The following PCDHA10 variants were observed in gnomAD, a reference collection of about 807,000 sequenced individuals.
The protein encoded by PCDHA10 is protocadherin alpha 10.
In PCDHA10, 45 loss-of-function variants were observed where a neutral mutation model predicts 61.2. The ratio of observed to expected loss-of-function variants is 0.74; its 90% confidence interval spans 0.58 to 0.94. PCDHA10 has a LOEUF of 0.94. Ranked by LOEUF, PCDHA10 falls within the 40% of genes least tolerant of loss-of-function variation. PCDHA10 has a pLI of 0.00. For synonymous variants in PCDHA10, 602 were observed against 548.8 expected, an observed-to-expected ratio of 1.10 and a Z score of -1.35; for missense variants, 1,278 against 1,236.2, an observed-to-expected ratio of 1.03 and a Z score of -0.51.
At chr5:140,984,826 T>C (rs1554246543) in intron 3 of PCDHA10, among the ~76,000 whole-genome samples, 4 of 152,188 alleles carry the variant, frequency 2.6e-5, no homozygotes, top group African/African-American at 9.6e-5. Context: ...TTAATTACCC[T>C]TTCTGTAAAT....
intron 1 of PCDHA10, chr5:140,875,344 A>G: frequency 1.4e-6 from 2 of 1,442,996 alleles, no homozygotes; most frequent in East Asian, 2.5e-5. Context: ...TCGACTCCAT[A>G]ATGACTGTGA....
Position 140,885,215 on chromosome 5 carries a change from A to T in PCDHA10, c.2388+26779A>T, listed in dbSNP as rs564445744. Among the ~76,000 whole-genome samples the T allele has an allele frequency of 2.8e-3, 423 of 152,102 alleles. 2 individuals carry two copies. The highest frequency in any genetic ancestry group is 0.014 in the Middle Eastern group (4 of 294). On this transcript the variant is annotated intron_variant, in intron 1 of 3. Transcript: ENST00000307360. ...CCCTCTCATATATCCCATGAAAAAT[A>T]TCTTGTGATTCTGCTTTCAATTTTT... is the stretch of plus-strand genomic sequence containing the variant.
At chr5:140,874,887 T>G (rs1315281628) in intron 1 of PCDHA10, among the ~76,000 whole-genome samples, 2 of 152,350 alleles carry the variant, frequency 1.3e-5, no homozygotes, top group East Asian at 3.9e-4. Context: ...AATTCCTAAC[T>G]TTCTCTAAAA....
intron 1 of PCDHA10, chr5:140,876,746 T>C (rs1411489174): frequency 3.7e-6 from 6 of 1,614,098 alleles, no homozygotes; most frequent in Admixed American, 3.3e-5. Flanking sequence ...GAGCTGGTGG[T>C]GACTGCGCGG....
chr5:140,959,763 C>A (rs2095510059), intron 1 of PCDHA10, among the ~76,000 whole-genome samples: 2 of 152,170 alleles, frequency 1.3e-5, no homozygotes, highest in South Asian at 4.1e-4. Flanking sequence ...TTTTAATATT[C>A]AGTAAGAACA....
At chr5:140,883,190 C>G in intron 1 of PCDHA10, 1 of 1,613,818 alleles carries the variant, frequency 6.2e-7, no homozygotes, top group Non-Finnish European at 8.5e-7. Context: ...AAAAGGCAAA[C>G]TAGATTTCGA....
At chr5:140,915,479 G>T (rs1170530979) in intron 1 of PCDHA10, among the ~76,000 whole-genome samples, 1 of 151,948 alleles carries the variant, frequency 6.6e-6, no homozygotes, top group African/African-American at 2.4e-5. Flanking sequence ...AAGGAGCTTG[G>T]GCCTCAATCC....
intron 1 of PCDHA10, among the ~76,000 whole-genome samples, chr5:140,897,463 T>C (rs573452029): frequency 6.6e-6 from 1 of 151,924 alleles, no homozygotes; most frequent in African/African-American, 2.4e-5. Flanking sequence ...CTTGCGATAG[T>C]TTACTGAGAA....
intron 1 of PCDHA10, among the ~76,000 whole-genome samples, chr5:140,906,909 G>A (rs1477484139): frequency 1.3e-5 from 2 of 152,174 alleles, no homozygotes; most frequent in Admixed American, 6.5e-5. Flanking sequence ...TTAAAGGTAG[G>A]AGGAGCCCAA....
At chr5:140,972,798 A>G (rs782291338) in intron 1 of PCDHA10, among the ~76,000 whole-genome samples, 6 of 151,178 alleles carry the variant, frequency 4.0e-5, no homozygotes, top group Admixed American at 2.6e-4. Flanking sequence ...TGAGTAGCTG[A>G]GATTACAGGC....
chr5:140,967,487 G>C, intron 1 of PCDHA10: 8 of 1,613,290 alleles, frequency 5.0e-6, no homozygotes, highest in Non-Finnish European at 6.8e-6. Context: ...CTCGGGTACG[G>C]CACAGATCTC....
At chr5:140,940,731 G>C (rs1195223562) in intron 1 of PCDHA10, among the ~76,000 whole-genome samples, 1 of 152,280 alleles carries the variant, frequency 6.6e-6, no homozygotes, top group South Asian at 2.1e-4. Context: ...CAGCTGGACA[G>C]CTCCATATTT....
intron 1 of PCDHA10, among the ~76,000 whole-genome samples, chr5:140,934,548 ATT>A (rs1290393008): frequency 1.3e-5 from 2 of 152,018 alleles, no homozygotes; most frequent in African/African-American, 2.4e-5. Context: ...TAATTCTATC[ATT>A]TCTTCTTTTT....
At chr5:140,910,679 A>G (rs1554194364) in intron 1 of PCDHA10, among the ~76,000 whole-genome samples, 1 of 152,208 alleles carries the variant, frequency 6.6e-6, no homozygotes, top group East Asian at 1.9e-4. Context: ...AAGGGAGATC[A>G]GGCATTTCCA....
chr5:140,927,293 C>T (rs782386645), intron 1 of PCDHA10: 5 of 1,614,176 alleles, frequency 3.1e-6, no homozygotes, highest in Non-Finnish European at 3.4e-6. Flanking sequence ...CTGCACATCC[C>T]CGAGTTCCTG....
intron 1 of PCDHA10, chr5:140,869,778 C>T (rs782226363): frequency 4.0e-5 from 65 of 1,612,804 alleles, no homozygotes; most frequent in Admixed American, 5.0e-5. Flanking sequence ...TTACTGGCAC[C>T]GTTCGGCTGT....
chr5:140,884,048 G>A (rs2059957630), intron 1 of PCDHA10: 1 of 1,613,500 alleles, frequency 6.2e-7, no homozygotes, highest in African/African-American at 1.3e-5. Flanking sequence ...GGTGGCGAAG[G>A]TGCGCGCGGT....
chr5:140,861,061 A>G (rs1278905276), intron 1 of PCDHA10: 1 of 152,226 alleles, frequency 6.6e-6, no homozygotes, highest in Admixed American at 6.5e-5. Context: ...AGAAAATCAG[A>G]TTATTCCTAG....
chr5:140,986,945 C>T (rs1295830111), intron 3 of PCDHA10, among the ~76,000 whole-genome samples: 1 of 151,946 alleles, frequency 6.6e-6, no homozygotes, highest in Non-Finnish European at 1.5e-5. Flanking sequence ...TGGGTGTGGT[C>T]GCTCATGCCT....
Sources: gnomAD v4.1 joint callset for allele counts (sites outside exome capture counted in the v4.1 genomes callset) on GRCh38, gnomAD v4.1.1 for gene constraint, MANE v1.5 for transcripts, NCBI Gene and HGNC (gene_info 2026-07-23, HGNC 2026-07-21) for gene names.